The following FNDC1 variants were observed in gnomAD, a reference collection of about 807,000 sequenced individuals.
The protein encoded by FNDC1 is fibronectin type III domain-containing protein 1.
Under a neutral mutation model 168.0 loss-of-function variants are expected in FNDC1, and 96 were observed. The ratio of observed to expected loss-of-function variants is 0.57; its 90% CI spans 0.48 to 0.68. FNDC1 has a LOEUF of 0.68. Among genes scored for constraint, FNDC1 ranks in the 30% least tolerant of loss-of-function variants. FNDC1 has a pLI of 0.00. For missense variants in FNDC1, 2,587 were observed against 2,482.1 expected (o/e 1.04, Z -0.90); for synonymous variants, 1,099 against 1,025.9 (o/e 1.07, Z -1.36).
At chr6:159,226,635 T>C in intron 9 of FNDC1, 55 bp downstream of exon 9, 3 of 1,359,146 alleles carry the variant, frequency 2.2e-6, no homozygotes, top group Non-Finnish European at 3.1e-6. Flanking sequence ...GAACATGGCC[T>C]CTGCTTACGG....
intron 1 of FNDC1, among the ~76,000 whole-genome samples, chr6:159,185,747 G>T (rs1037961567): frequency 6.6e-6 from 1 of 152,194 alleles, no homozygotes; most frequent in South Asian, 2.1e-4. Flanking sequence ...ATGGCAGGAC[G>T]AACCTCCCTA....
intron 9 of FNDC1, among the ~76,000 whole-genome samples, chr6:159,227,637 C>A (rs1411403438): frequency 8.0e-6 from 1 of 125,356 alleles, no homozygotes; most frequent in Non-Finnish European, 1.6e-5. Context: ...TTGTACTATT[C>A]TTCTTTCTCT....
In FNDC1 at chr6:159,245,898, A is replaced by G. The variant is rs1461808917; in HGVS notation, c.4622-1003A>G. Reference sequence around the variant, plus strand: ...CGAGTAGCTGGGACTATAGGCGCCCACCACGACGCCCGGCTAATTTTTTTT... The same window carrying G: ...CGAGTAGCTGGGACTATAGGCGCCCGCCACGACGCCCGGCTAATTTTTTTT... On this transcript the variant is annotated intron_variant, in intron 14 of 22. Coordinates refer to ENST00000297267, the MANE Select transcript of FNDC1 (RefSeq NM_032532.3). 1.6e-4 allele frequency among the ~76,000 whole-genome samples: 5 copies of G among 30,836 alleles called. 2 individuals are homozygous for G. The highest frequency in any genetic ancestry group is 1.2e-3 in the South Asian group (1 of 806). 20.2% of individuals were successfully genotyped at this position (30,836 alleles called of 152,430 possible).
intron 4 of FNDC1, among the ~76,000 whole-genome samples, chr6:159,202,242 CA>C (rs201750333): frequency 4.0e-5 from 6 of 151,616 alleles, no homozygotes; most frequent in African/African-American, 7.3e-5. Context: ...ACGACAACAA[CA>C]AAAAAAACCC....
intron 17 of FNDC1, among the ~76,000 whole-genome samples, chr6:159,253,799 A>T (rs2115018139): frequency 6.6e-6 from 1 of 152,356 alleles, no homozygotes; most frequent in South Asian, 2.1e-4. Context: ...CCGAGAAACC[A>T]GTGCCTTACA....
intron 1 of FNDC1, among the ~76,000 whole-genome samples, chr6:159,187,980 G>C (rs1249482249): frequency 6.6e-6 from 1 of 152,052 alleles, no homozygotes; most frequent in East Asian, 1.9e-4. Context: ...ACCTTTTCTG[G>C]CTGATTATCT....
At chr6:159,174,399 T>G (rs1253213845) in intron 1 of FNDC1, among the ~76,000 whole-genome samples, 1 of 152,218 alleles carries the variant, frequency 6.6e-6, no homozygotes, top group African/African-American at 2.4e-5. Context: ...ACCTGCGTCT[T>G]CCTCCCTCGG....
intron 16 of FNDC1, among the ~76,000 whole-genome samples, chr6:159,250,596 A>G (rs1777232447): frequency 2.0e-5 from 3 of 152,292 alleles, no homozygotes; most frequent in African/African-American, 7.2e-5. Context: ...TGATCCTTGC[A>G]TAGTGGGTAC....
rs149002344 is a variant in FNDC1, at chr6:159,235,150, T to G, written c.3967+671T>G. 1.1e-4 allele frequency among the ~76,000 whole-genome samples: 17 copies of G among 152,332 alleles called. No individual in the cohort carries two copies. In the East Asian group the frequency reaches 3.1e-3, roughly 28 times the overall value. ...CAAAGAGGAGTTACAGGCAGATGTG[T>G]GCTTTGTATTTCTATAACAGAGGGT... On this transcript the variant is annotated intron_variant, in intron 11 of 22. Coordinates refer to ENST00000297267, the MANE Select transcript of FNDC1 (RefSeq NM_032532.3).
Position 159,233,811 on chromosome 6 carries a change from C to A in FNDC1, c.3299C>A (p.Ala1100Asp). The A allele has an allele frequency of 6.5e-7, 1 of 1,538,964 alleles. No homozygotes were observed. Among genetic ancestry groups the A allele is most frequent in the Non-Finnish European group, 8.8e-7 (1 of 1,141,938 alleles). The change falls in exon 11 of 23, where the codon GCC (alanine) becomes GAC (aspartate). Residue 1100 changes from alanine (A) to aspartate (D), a missense_variant. Coordinates refer to ENST00000297267, the MANE Select transcript of FNDC1 (RefSeq NM_032532.3). This position sits in a 1 kb window ranked among gnomAD's most constrained non-coding sequence, Gnocchi z 4.6. ...DVRAPAHAAR[A>D]KEAAASLPKH... ...CGGGCCCCCGCGCACGCCGCGCGCG[C>A]CAAGGAGGCAGCTGCGTCCCTTCCC... is the stretch of plus-strand genomic sequence containing the variant.
At chr6:159,230,234 G>A (rs750245945) in intron 10 of FNDC1, among the ~76,000 whole-genome samples, 11 of 152,252 alleles carry the variant, frequency 7.2e-5, no homozygotes, top group Non-Finnish European at 1.3e-4. Flanking sequence ...TATTATTAAT[G>A]TATTAATTAT....
intron 10 of FNDC1, among the ~76,000 whole-genome samples, chr6:159,230,694 A>G (rs671281): frequency 0.5 from 75,890 of 152,122 alleles, 21,369 homozygotes; most frequent in African/African-American, 0.76. Flanking sequence ...TTTTTGGACC[A>G]TGTTTTCTTT....
chr6:159,231,802 T>A lies in FNDC1; in HGVS notation c.1370-80T>A, dbSNP rs964842076. 5.9e-6 allele frequency: 7 copies of A among 1,186,324 alleles called. No homozygotes were observed. The African/African-American group carries it at 1.1e-4, about 18-fold the overall frequency. 73.5% of individuals were successfully genotyped at this position (1,186,324 alleles called of 1,614,324 possible). On this transcript the variant is annotated intron_variant, in intron 10 of 22. Transcript: ENST00000297267. ...ACTGATTTGAAATGCCTCCATATGC[T>A]GTTTTAAATACTGTGTCTCACCTCC... is the stretch of plus-strand genomic sequence containing the variant.
chr6:159,218,079 T>C (rs1246728926), intron 5 of FNDC1, among the ~76,000 whole-genome samples: 1 of 152,186 alleles, frequency 6.6e-6, no homozygotes, highest in East Asian at 1.9e-4. Context: ...GCAGGGGAGC[T>C]TTGTTTCAAC....
intron 19 of FNDC1, among the ~76,000 whole-genome samples, chr6:159,261,732 G>C (rs542408318): frequency 6.6e-5 from 10 of 152,260 alleles, no homozygotes; most frequent in Admixed American, 6.5e-4. Context: ...GTATCATTCA[G>C]TCTTATAAGC....
intron 11 of FNDC1, among the ~76,000 whole-genome samples, chr6:159,235,297 G>A (rs114608596): frequency 0.011 from 1,513 of 134,146 alleles, 26 homozygotes; most frequent in African/African-American, 0.039. Flanking sequence ...GGGCTTTATA[G>A]AACATTCTTG....
chr6:159,209,815 C>T (rs1321167397), intron 4 of FNDC1, among the ~76,000 whole-genome samples: 8 of 151,812 alleles, frequency 5.3e-5, no homozygotes, highest in Non-Finnish European at 8.8e-5. Context: ...TCCTTTTTTT[C>T]CTGCTTTTAA....
At chr6:159,252,927 C>T (rs294895) in intron 17 of FNDC1, among the ~76,000 whole-genome samples, 96,296 of 152,102 alleles carry the variant, frequency 0.63, 32,000 homozygotes, top group Middle Eastern at 0.75. Context: ...CCACCAAACA[C>T]GCCTCAAGGG....
At position 159,175,751 on chromosome 6, in the gene FNDC1, G is replaced by T. The variant is rs1327983575; in HGVS notation, c.109+6046G>T. 2.0e-5 allele frequency among the ~76,000 whole-genome samples: 3 copies of T among 152,166 alleles called. No homozygotes were observed. The East Asian group carries it at 5.8e-4, about 29-fold the overall frequency. ...TGTTGGCATCTTAGAGCCGGTGCTC[G>T]GTGTCTAACCTGTTACCCAAACTCT... is the stretch of plus-strand genomic sequence containing the variant. On this transcript the variant is annotated intron_variant, in intron 1 of 22. Coordinates refer to ENST00000297267, the MANE Select transcript of FNDC1 (RefSeq NM_032532.3).
Sources: gnomAD v4.1 joint callset for allele counts (sites outside exome capture counted in the v4.1 genomes callset) on GRCh38, gnomAD v4.1.1 for gene constraint, Gnocchi (gnomAD v3.1) non-coding constraint, MANE v1.5 for transcripts, NCBI Gene and HGNC (gene_info 2026-07-23, HGNC 2026-07-21) for gene names.